Variants in FOXN1 observed in about 807,000 individuals in gnomAD.
FOXN1 encodes forkhead box N1, also known as forkhead box protein N1.
FOXN1 carries 15 observed loss-of-function variants against 49.0 expected under a neutral mutation model. The ratio of observed to expected loss-of-function variants is 0.31; its 90% CI spans 0.20 to 0.47. The LOEUF (loss-of-function observed/expected upper bound fraction) is 0.47, where lower values mean the gene tolerates loss of function less well. Ranked by LOEUF, FOXN1 falls within the 20% of genes least tolerant of loss-of-function variation. FOXN1 has a pLI of 1.00. For synonymous variants in FOXN1, 356 were observed against 369.0 expected (o/e 0.96, Z 0.40); for missense variants, 800 against 842.8 (o/e 0.95, Z 0.63).
chr17:28,514,371 C>T (rs542349788), intron 1 of FOXN1, among the ~76,000 whole-genome samples: 4 of 152,194 alleles, frequency 2.6e-5, no homozygotes, highest in Non-Finnish European at 4.4e-5. Flanking sequence ...GGCAGGGGCA[C>T]GCAACCCATT....
At chr17:28,529,610 G>T (rs537526871) in intron 5 of FOXN1, among the ~76,000 whole-genome samples, 2 of 152,278 alleles carry the variant, frequency 1.3e-5, no homozygotes, top group East Asian at 3.9e-4. Flanking sequence ...GAAGGAAATG[G>T]GGGATGAGGC....
intron 1 of FOXN1, among the ~76,000 whole-genome samples, chr17:28,510,176 T>G (rs115039371): frequency 1.3e-3 from 197 of 152,128 alleles, no homozygotes; most frequent in African/African-American, 4.5e-3. Context: ...CACAGGAGGA[T>G]GCACTGTCAG....
rs747595085 is a variant in FOXN1 at position 28,534,770 on chromosome 17, C to T, written c.1199C>T (p.Pro400Leu). ...EKLGSPLLGC[P>L]PPGLSGSGPI... ...CTGGGCTCCCCACTCCTGGGCTGTC[C>T]GCCCCCTGGGCTGTCCGGCTCAGGC... Residue 400 changes from proline (P) to leucine (L), a missense_variant, in exon 8 of 9, where the codon CCG (proline) becomes CTG (leucine). By Grantham distance (98) the Pro-to-Leu change is moderately conservative. Coordinates refer to ENST00000579795, the MANE Select transcript of FOXN1 (RefSeq NM_001369369.1). This position sits in a 1 kb window ranked among gnomAD's most constrained non-coding sequence, Gnocchi z 4.1. 11 of 1,613,368 alleles carry T rather than the reference C, an allele frequency of 6.8e-6. No individual in the cohort carries two copies. Among genetic ancestry groups the T allele is most frequent in the Middle Eastern group, 1.6e-4 (1 of 6,084 alleles).
intron 1 of FOXN1, among the ~76,000 whole-genome samples, chr17:28,510,363 CAGAG>C (rs1597527580): frequency 1.3e-5 from 2 of 151,678 alleles, no homozygotes; most frequent in Admixed American, 6.6e-5. Context: ...TATATACATA[CAGAG>C]AGACACACAC....
intron 1 of FOXN1, among the ~76,000 whole-genome samples, chr17:28,510,578 A>G (rs1323824105): frequency 2.6e-5 from 3 of 115,012 alleles, no homozygotes; most frequent in Admixed American, 9.5e-5. Context: ...ACGCACACAC[A>G]CGCACACACA....
At chr17:28,536,812 A>G (rs1345162372) in intron 8 of FOXN1, among the ~76,000 whole-genome samples, 5 of 152,150 alleles carry the variant, frequency 3.3e-5, no homozygotes, top group African/African-American at 1.2e-4. Context: ...CAAGTGCACA[A>G]CATTGGCATC....
intron 6 of FOXN1, among the ~76,000 whole-genome samples, chr17:28,532,022 C>T (rs893978242): frequency 6.6e-6 from 1 of 152,082 alleles, no homozygotes; most frequent in Admixed American, 6.5e-5. Flanking sequence ...CAGGGCTGCC[C>T]TCCATACCCC....
At chr17:28,529,774 T>A (rs1597559470) in intron 5 of FOXN1, among the ~76,000 whole-genome samples, 1 of 152,046 alleles carries the variant, frequency 6.6e-6, no homozygotes, top group Non-Finnish European at 1.5e-5. Flanking sequence ...GCCAAATATG[T>A]GTCAGGCCCT....
At position 28,537,761 on chromosome 17, in the gene FOXN1, T is replaced by G. The variant is rs1488282433; in HGVS notation, c.*325T>G. The G allele has an allele frequency of 6.6e-6, 3 of 456,212 alleles. No individual in the cohort carries two copies. Among genetic ancestry groups the G allele is most frequent in the South Asian group, 6.5e-5 (3 of 46,364 alleles). The allele number at this position is 456,212 out of a possible 1,614,324, so 28.3% of individuals were successfully genotyped here. ...CGTGCACACACACAAATTATTCAGATGTACACCCACCCACATATCTTACAG... is the reference window on the plus strand; with the variant it reads ...CGTGCACACACACAAATTATTCAGAGGTACACCCACCCACATATCTTACAG... On this transcript the variant is annotated 3_prime_UTR_variant, in exon 9 of 9. Transcript: ENST00000579795.
At position 28,512,068 on chromosome 17, in the gene FOXN1, A is replaced by T. The variant is rs553444934; in HGVS notation, c.-15+5625A>T. 2.0e-4 allele frequency among the ~76,000 whole-genome samples: 31 copies of T among 152,270 alleles called. 2 individuals are homozygous for T. The South Asian group carries it at 6.2e-3, about 31-fold the overall frequency. On this transcript the variant is annotated intron_variant, in intron 1 of 8. Coordinates refer to ENST00000579795, the MANE Select transcript of FOXN1 (RefSeq NM_001369369.1). Reference sequence around the variant, plus strand: ...TCCGGGCCACAGGGACCCAGAGCTAATGAGTGCTTAGAGGTCAGCCACTTC... The same window carrying T: ...TCCGGGCCACAGGGACCCAGAGCTATTGAGTGCTTAGAGGTCAGCCACTTC...
chr17:28,532,902 C>A (rs1223365745), intron 6 of FOXN1, among the ~76,000 whole-genome samples: 1 of 152,234 alleles, frequency 6.6e-6, no homozygotes, highest in Non-Finnish European at 1.5e-5. Context: ...TTAACTCCGC[C>A]CATGGGGCAA....
chr17:28,518,008 T>A (rs1188793234), intron 1 of FOXN1, among the ~76,000 whole-genome samples: 1 of 147,506 alleles, frequency 6.8e-6, no homozygotes, highest in Non-Finnish European at 1.5e-5. Flanking sequence ...GATCCATACC[T>A]CCACAGGGTA....
chr17:28,529,203 CA>C lies in FOXN1; in HGVS notation c.813del (p.Lys271AsnfsTer31), dbSNP rs1318617997. 6.2e-7 allele frequency: 1 copy of C among 1,614,172 alleles called. No individual in the cohort carries two copies. Among genetic ancestry groups the C allele is most frequent in the Non-Finnish European group, 8.5e-7 (1 of 1,180,014 alleles). On this transcript the variant is annotated frameshift_variant, in exon 5 of 9. Coordinates refer to ENST00000579795, the MANE Select transcript of FOXN1 (RefSeq NM_001369369.1). LOFTEE classifies it high-confidence loss of function. ...ASTDGHQPLF[P>X]KPIYSYSILI... is the part of the protein sequence containing the mutation. ...ACCGATGGGCACCAGCCTCTCTTCC[CA>C]AAACCCATCTATTCCTACAGGTACA... is the stretch of plus-strand genomic sequence containing the variant.
chr17:28,531,965 G>A (rs549742189), intron 6 of FOXN1, among the ~76,000 whole-genome samples: 1 of 152,116 alleles, frequency 6.6e-6, no homozygotes, highest in African/African-American at 2.4e-5. Flanking sequence ...GAAAGAGGGA[G>A]GGAGGTGAGT....
At chr17:28,536,676 T>C (rs868751957) in intron 8 of FOXN1, among the ~76,000 whole-genome samples, 50 of 152,174 alleles carry the variant, frequency 3.3e-4, no homozygotes, top group African/African-American at 1.0e-3. Flanking sequence ...GGCCCTGCAG[T>C]GGAGGAGACC....
chr17:28,506,682 G>A (rs1371618181), intron 1 of FOXN1, among the ~76,000 whole-genome samples: 2 of 152,244 alleles, frequency 1.3e-5, no homozygotes, highest in Non-Finnish European at 2.9e-5. Flanking sequence ...TCTTGCTGTG[G>A]TGTGGGTCTC....
chr17:28,526,238 A>G (rs1357857204), intron 3 of FOXN1, among the ~76,000 whole-genome samples: 5 of 152,178 alleles, frequency 3.3e-5, no homozygotes, highest in Non-Finnish European at 7.3e-5. Context: ...CAGCCCCATC[A>G]TCTGTCAAAT....
At position 28,537,018 on chromosome 17, in the gene FOXN1, C is replaced by G. The variant is rs554351515; in HGVS notation, c.1628-99C>G. The G allele has an allele frequency of 5.3e-6, 5 of 941,534 alleles. No individual in the cohort carries two copies. In the Admixed American group the frequency reaches 6.9e-5, roughly 13 times the overall value. 58.3% of individuals were successfully genotyped at this position (941,534 alleles called of 1,614,324 possible). On this transcript the variant is annotated intron_variant, in intron 8 of 8. Coordinates refer to ENST00000579795, the MANE Select transcript of FOXN1 (RefSeq NM_001369369.1). The stretch of plus-strand genomic sequence containing the variant: ...GTTCCCAGCACATGTCACCCTGACC[C>G]CTGCTCTCTGCAGCATGTGAAGATT...
chr17:28,531,377 G>A (rs62066768), intron 6 of FOXN1, among the ~76,000 whole-genome samples: 13,653 of 152,078 alleles, frequency 0.09, 842 homozygotes, highest in East Asian at 0.22. Flanking sequence ...GAGTGTCCCA[G>A]GCTGGCTCAC....
Sources: gnomAD v4.1 joint callset for allele counts (sites outside exome capture counted in the v4.1 genomes callset) on GRCh38, gnomAD v4.1.1 for gene constraint, Gnocchi (gnomAD v3.1) non-coding constraint, MANE v1.5 for transcripts, NCBI Gene and HGNC (gene_info 2026-07-23, HGNC 2026-07-21) for gene names.